ITGAD: variants seen among roughly 807,000 people sequenced by gnomAD.
ITGAD encodes the protein integrin subunit alpha D.
In ITGAD, 105 loss-of-function variants were observed where a neutral mutation model predicts 139.0. The observed-to-expected ratio is 0.76, with a 90% CI of 0.65 to 0.89. The LOEUF is 0.89. ITGAD is among the 40% of genes least tolerant of loss of function. The pLI is 0.00. For synonymous variants in ITGAD, 569 were observed against 598.3 expected, an observed-to-expected ratio of 0.95 and a Z score of 0.71; for missense variants, 1,384 against 1,487.3, an observed-to-expected ratio of 0.93 and a Z score of 1.14.
At chr16:31,419,069 T>A (rs530833983) in intron 23 of ITGAD, among the ~76,000 whole-genome samples, 83 of 148,886 alleles carry the variant, frequency 5.6e-4, no homozygotes, top group African/African-American at 2.0e-3. Context: ...GGCGCATGCC[T>A]GTAATCCCAG....
intron 28 of ITGAD, 32 bp downstream of exon 28, chr16:31,424,235 G>A (rs1402922017): frequency 6.2e-7 from 1 of 1,612,436 alleles, no homozygotes; most frequent in Non-Finnish European, 8.5e-7. Context: ...GCGACCAGCT[G>A]GAAAGAGGAC....
At chr16:31,424,287 G>C (rs904814764) in intron 28 of ITGAD, 84 bp downstream of exon 28, 12 of 1,535,144 alleles carry the variant, frequency 7.8e-6, no homozygotes, top group Non-Finnish European at 1.1e-5. Context: ...GGGTTTGCAA[G>C]CCTTGCGGGA....
At chr16:31,393,895 C>T (rs1235303156) in intron 1 of ITGAD, among the ~76,000 whole-genome samples, 2 of 152,048 alleles carry the variant, frequency 1.3e-5, no homozygotes, top group East Asian at 3.9e-4. Flanking sequence ...CTTTGGGAGG[C>T]CGAGATGGGC....
At chr16:31,414,302 C>G in intron 16 of ITGAD, 149 bp from the exon 17 acceptor site, 2 of 730,526 alleles carry the variant, frequency 2.7e-6, no homozygotes, top group Non-Finnish European at 4.4e-6. Flanking sequence ...ATCCGTCCAT[C>G]TATCTTCTTC....
intron 10 of ITGAD, 87 bp downstream of exon 10, chr16:31,408,585 A>T (rs1159180501): frequency 8.5e-7 from 1 of 1,178,564 alleles, no homozygotes; most frequent in Admixed American, 1.9e-5. Context: ...AGACATAAAC[A>T]AGAGCAGACC....
rs1372866911 is a variant in ITGAD, at chr16:31,423,576, C to A, written c.2973C>A (p.Leu991=). ...DVVMEAPSQS[L]PCVSERKPPQ... ...GTGCTTCTTTCTCTTCCCAGAGTCT[C>A]CCCTGTGTTTCAGAGAGAAAACCTC... Residue 991 remains leucine (L), a synonymous_variant, in exon 26 of 30, where the codon CTC becomes CTA. Coordinates refer to ENST00000389202, the MANE Select transcript of ITGAD (RefSeq NM_005353.3). 1 of 1,614,012 alleles carries A rather than the reference C, an allele frequency of 6.2e-7. No individual in the cohort carries two copies. Among genetic ancestry groups the A allele is most frequent in the Admixed American group, 1.7e-5 (1 of 60,022 alleles).
intron 1 of ITGAD, 39 bp downstream of exon 1, chr16:31,393,430 G>A (rs1185125914): frequency 1.2e-6 from 2 of 1,611,384 alleles, no homozygotes; most frequent in Non-Finnish European, 1.7e-6. Context: ...GCTTGGAGGA[G>A]TTCTGAGGGG....
intron 14 of ITGAD, among the ~76,000 whole-genome samples, chr16:31,412,622 C>G (rs1363180468): frequency 6.6e-6 from 1 of 152,152 alleles, no homozygotes; most frequent in Non-Finnish European, 1.5e-5. Context: ...ACTCGGGTCA[C>G]CAGGACACCC....
rs2081845348 is a variant in ITGAD at position 31,414,921 on chromosome 16, A to G, written c.2213A>G (p.Glu738Gly). ...ILHLNFSLVR[E>G]PIPSPQNLRP... ...CACCTCAACTTCTCACTGGTGAGAGAGCCCATCCCCTCCCCCCAGAACCTG... is the reference window on the plus strand; with the variant it reads ...CACCTCAACTTCTCACTGGTGAGAGGGCCCATCCCCTCCCCCCAGAACCTG... Residue 738 changes from glutamate (E) to glycine (G), a missense_variant, in exon 18 of 30, where the codon GAG becomes GGG. Transcript: ENST00000389202. The G allele has an allele frequency of 1.2e-6, 2 of 1,613,804 alleles. No homozygotes were observed. The highest frequency in any genetic ancestry group is 1.7e-5 in the Admixed American group (1 of 59,984).
Position 31,410,394 on chromosome 16 carries a change from G to C in ITGAD, c.1084-1G>C, listed in dbSNP as rs757795752. On this transcript the variant is annotated splice_acceptor_variant, in intron 10 of 29. Transcript: ENST00000389202. LOFTEE classifies it high-confidence loss of function. ...CCAGCCCTGGAATTCTTTCCTCCCA[G>C]GATGGCCTCTTCCTGGGGGCTGTGG... 1.9e-6 allele frequency: 3 copies of C among 1,613,976 alleles called. No individual in the cohort carries two copies. In the Admixed American group the frequency reaches 5.0e-5, roughly 27 times the overall value.
At chr16:31,416,414 G>C in intron 19 of ITGAD, 91 bp from the exon 20 acceptor site, 1 of 1,534,776 alleles carries the variant, frequency 6.5e-7, no homozygotes. Flanking sequence ...TTGGCCCAGA[G>C]CTCCAGAGTT....
intron 9 of ITGAD, among the ~76,000 whole-genome samples, chr16:31,408,223 T>C (rs1325937893): frequency 6.6e-6 from 1 of 152,090 alleles, no homozygotes; most frequent in Non-Finnish European, 1.5e-5. Flanking sequence ...CCGCCAACCT[T>C]AGCTTCTCAA....
chr16:31,404,908 T>G (rs1024836239), intron 7 of ITGAD, among the ~76,000 whole-genome samples: 1 of 149,604 alleles, frequency 6.7e-6, no homozygotes, highest in Non-Finnish European at 1.5e-5. Flanking sequence ...TCTCTCACTC[T>G]GTTTTGTATT....
intron 23 of ITGAD, 57 bp downstream of exon 23, chr16:31,418,621 CCTTCT>C: frequency 3.9e-6 from 5 of 1,271,276 alleles, no homozygotes; most frequent in Non-Finnish European, 5.8e-6. Context: ...GCCTGGTACT[CCTTCT>C]GAGTCCCAGC....
intron 2 of ITGAD, among the ~76,000 whole-genome samples, chr16:31,395,607 C>T (rs1038821980): frequency 6.6e-5 from 10 of 152,112 alleles, no homozygotes; most frequent in Non-Finnish European, 1.0e-4. Context: ...GGTAAGAGCC[C>T]CCCAACCCCA....
At position 31,393,352 on chromosome 16, in the gene ITGAD, T is replaced by C. The variant is rs762296013; in HGVS notation, c.-9T>C. 6.2e-7 allele frequency: 1 copy of C among 1,610,262 alleles called. No individual in the cohort carries two copies. The highest frequency in any genetic ancestry group is 1.1e-5 in the South Asian group (1 of 91,028). ...AACCTTCCACTTCCCCTCAACGCGCTGCTCAGGGATGACCTTCGGCACTGT... is the reference window on the plus strand; with the variant it reads ...AACCTTCCACTTCCCCTCAACGCGCCGCTCAGGGATGACCTTCGGCACTGT... On this transcript the variant is annotated 5_prime_UTR_variant, in exon 1 of 30. Coordinates refer to ENST00000389202, the MANE Select transcript of ITGAD (RefSeq NM_005353.3).
chr16:31,407,961 C>G (rs546958575), intron 9 of ITGAD, 45 bp downstream of exon 9: 1 of 1,519,390 alleles, frequency 6.6e-7, no homozygotes, highest in East Asian at 2.3e-5. Context: ...GGGTCCCCAC[C>G]CAATTGTCCC....
At chr16:31,405,296 T>C (rs962885024) in intron 7 of ITGAD, among the ~76,000 whole-genome samples, 4 of 152,242 alleles carry the variant, frequency 2.6e-5, no homozygotes, top group African/African-American at 9.6e-5. Context: ...CTTCCTTCTC[T>C]TTCTTTTCTT....
rs377591683 is a variant in ITGAD, at chr16:31,414,937, C to A, written c.2229C>A (p.Pro743=). ...TGGTGAGAGAGCCCATCCCCTCCCC[C>A]CAGAACCTGCGTCCTGTGCTGGCCG... ...FSLVREPIPS[P]QNLRPVLAVG... is the part of the protein sequence containing the mutation. The change falls in exon 18 of 30, where the codon CCC becomes CCA. Residue 743 remains proline (P), a synonymous_variant. Transcript: ENST00000389202. The A allele has an allele frequency of 1.5e-5, 25 of 1,614,134 alleles. No individual in the cohort carries two copies. Among genetic ancestry groups the A allele is most frequent in the East Asian group, 4.5e-5 (2 of 44,886 alleles).
Sources: allele counts gnomAD v4.1 joint callset (sites outside exome capture counted in the v4.1 genomes callset), GRCh38; gene constraint gnomAD v4.1.1; transcripts MANE v1.5; gene names NCBI Gene and HGNC (gene_info 2026-07-23, HGNC 2026-07-21).